The following CSMD3 variants were observed in gnomAD, a reference collection of about 807,000 sequenced individuals.
The protein encoded by CSMD3 is CUB and Sushi multiple domains 3, also known as CUB and sushi domain-containing protein 3.
In CSMD3, 177 loss-of-function variants were observed where a neutral mutation model predicts 435.2. The observed-to-expected ratio is 0.41, with a 90% CI of 0.36 to 0.46. The LOEUF is 0.46. Among genes scored for constraint, CSMD3 ranks in the 20% least tolerant of loss-of-function variants. The probability of loss-of-function intolerance (pLI) is 0.34; values close to 1 mark genes in which losing one functional copy is unlikely to be tolerated. For missense variants in CSMD3, 4,265 were observed against 4,504.6 expected (o/e 0.95, Z 1.52); for synonymous variants, 1,656 against 1,520.5 (o/e 1.09, Z -2.07).
At chr8:112,267,885 C>G (rs1817100507) in intron 59 of CSMD3, among the ~76,000 whole-genome samples, 1 of 151,888 alleles carries the variant, frequency 6.6e-6, no homozygotes, top group Non-Finnish European at 1.5e-5. Flanking sequence ...TAAACAGCAC[C>G]TGCTCTGCAA....
chr8:112,308,787 A>G (rs551663860), intron 50 of CSMD3, among the ~76,000 whole-genome samples: 1 of 152,194 alleles, frequency 6.6e-6, no homozygotes, highest in Non-Finnish European at 1.5e-5. Context: ...TTCTATGTTT[A>G]TCCTCATGTT....
intron 27 of CSMD3, among the ~76,000 whole-genome samples, chr8:112,546,872 C>T (rs946475630): frequency 2.6e-5 from 4 of 152,198 alleles, no homozygotes; most frequent in East Asian, 1.9e-4. Flanking sequence ...ATGAGGCTGC[C>T]GACAGTGGCT....
At chr8:112,710,395 C>T (rs912314029) in intron 13 of CSMD3, among the ~76,000 whole-genome samples, 4 of 152,192 alleles carry the variant, frequency 2.6e-5, no homozygotes, top group Non-Finnish European at 5.9e-5. Flanking sequence ...CTAAGATGCA[C>T]ATCTTGTTCT....
rs2094604060 is a variant in CSMD3, at chr8:113,420,434, TACAA to T, written c.178+16239_178+16242del. On this transcript the variant is annotated intron_variant, in intron 1 of 70. Coordinates refer to ENST00000297405, the MANE Select transcript of CSMD3 (RefSeq NM_198123.2). Reference sequence around the variant, plus strand: ...TACGATAGTAAGACAGATAAAAAAATACAAACACAGTGGAATGCCCCTCCTTAAA... The same window carrying T: ...TACGATAGTAAGACAGATAAAAAAATACACAGTGGAATGCCCCTCCTTAAA... Among the ~76,000 whole-genome samples the T allele has an allele frequency of 1.2e-4, 18 of 151,802 alleles. No individual in the cohort carries two copies. The South Asian group carries it at 3.7e-3, about 32-fold the overall frequency.
chr8:113,424,201 A>C (rs931306435), intron 1 of CSMD3, among the ~76,000 whole-genome samples: 1 of 151,680 alleles, frequency 6.6e-6, no homozygotes, highest in Non-Finnish European at 1.5e-5. Flanking sequence ...ATATTTGATG[A>C]CTTTCCAAAC....
Position 112,472,765 on chromosome 8 carries a change from A to C in CSMD3, c.5279-58T>G. 3 of 881,634 alleles carry C rather than the reference A, an allele frequency of 3.4e-6. No homozygotes were observed. In the East Asian group the frequency reaches 7.3e-5, roughly 21 times the overall value. 54.6% of individuals were successfully genotyped at this position (881,634 alleles called of 1,614,324 possible). ...AAAAAAGTTTTAAAAAATTCATACC[A>C]TGGTTATCTTCTTCATATAAAAAAT... On this transcript the variant is annotated intron_variant, in intron 31 of 70. Transcript: ENST00000297405.
intron 23 of CSMD3, among the ~76,000 whole-genome samples, chr8:112,581,603 A>G (rs1431626464): frequency 6.6e-6 from 1 of 152,102 alleles, no homozygotes; most frequent in Non-Finnish European, 1.5e-5. Flanking sequence ...GAAATTATAT[A>G]GTAAATTTGT....
At chr8:112,609,792 G>A (rs1328670284) in intron 22 of CSMD3, among the ~76,000 whole-genome samples, 1 of 151,936 alleles carries the variant, frequency 6.6e-6, no homozygotes, top group Admixed American at 6.6e-5. Flanking sequence ...GAAAGAAAAT[G>A]TAATATATAT....
Position 112,313,969 on chromosome 8 carries a change from C to T in CSMD3, c.7633G>A (p.Val2545Ile), listed in dbSNP as rs2130831205. 6.2e-7 allele frequency: 1 copy of T among 1,611,854 alleles called. No individual in the cohort carries two copies. The highest frequency in any genetic ancestry group is 8.5e-7 in the Non-Finnish European group (1 of 1,178,256). The change falls in exon 49 of 71, where the codon GTA (valine) becomes ATA (isoleucine). Residue 2545 changes from valine to isoleucine, a missense_variant. This residue lies in a region of CSMD3 where 3,255 missense variants were observed against 3,380.2 expected (regional missense o/e 0.96). Transcript: ENST00000297405. ...TGATCTGCTGACCACTGAAGAAATA[C>T]TTCATGACCATTGCTTGTTATATTA... ...AFNITSNGHEVFLQWSADHGN... is the reference protein window; with the variant it reads ...AFNITSNGHEIFLQWSADHGN...
intron 6 of CSMD3, 45 bp from the exon 7 acceptor site, chr8:112,976,193 T>C: frequency 6.3e-7 from 1 of 1,598,156 alleles, no homozygotes; most frequent in Admixed American, 1.7e-5. Context: ...TCTTTTTAAA[T>C]TTTGTTTATT....
At chr8:113,006,184 G>C (rs1321100423) in intron 6 of CSMD3, among the ~76,000 whole-genome samples, 1 of 151,962 alleles carries the variant, frequency 6.6e-6, no homozygotes, top group Non-Finnish European at 1.5e-5. Context: ...GATGACAGAG[G>C]CTATTTCAGT....
intron 7 of CSMD3, among the ~76,000 whole-genome samples, chr8:112,958,890 T>G (rs1434696985): frequency 2.0e-5 from 3 of 152,154 alleles, no homozygotes; most frequent in Admixed American, 2.0e-4. Context: ...CCTTTAATGT[T>G]AGGAAATCGA....
intron 3 of CSMD3, among the ~76,000 whole-genome samples, chr8:113,195,526 A>T (rs2092641401): frequency 6.6e-6 from 1 of 150,714 alleles, no homozygotes; most frequent in Non-Finnish European, 1.5e-5. Flanking sequence ...TAATATAAGT[A>T]TATCTCAAGT....
At chr8:112,878,661 C>G (rs1395090263) in intron 10 of CSMD3, among the ~76,000 whole-genome samples, 1 of 152,062 alleles carries the variant, frequency 6.6e-6, no homozygotes, top group Non-Finnish European at 1.5e-5. Context: ...GACTTGGAAC[C>G]AATCCAAATG....
intron 9 of CSMD3, among the ~76,000 whole-genome samples, chr8:112,938,111 A>G (rs2083341245): frequency 6.6e-6 from 1 of 152,146 alleles, no homozygotes; most frequent in Non-Finnish European, 1.5e-5. Context: ...GGCTGCTGGA[A>G]CTGCCTGTTG....
In CSMD3 at chr8:112,342,993, A is replaced by T. The variant is rs977410373; in HGVS notation, c.6443-1307T>A. On this transcript the variant is annotated intron_variant, in intron 41 of 70. Transcript: ENST00000297405. ...GTATTATATATATATATATTTATAT[A>T]TATATATTTATATATATATATATTT... Among the ~76,000 whole-genome samples, 20 of 26,160 alleles carry T rather than the reference A, an allele frequency of 7.6e-4. 1 individual carries two copies. Among genetic ancestry groups the T allele is most frequent in the Admixed American group, 3.1e-3 (5 of 1,608 alleles). The allele number at this position is 26,160 out of a possible 152,430, so 17.2% of individuals were successfully genotyped here.
intron 1 of CSMD3, among the ~76,000 whole-genome samples, chr8:113,422,876 G>GTAGATTA (rs2094615552): frequency 6.6e-6 from 1 of 152,010 alleles, no homozygotes. Flanking sequence ...ACTTTAAAGT[G>GTAGATTA]TAGATTATCC....
At chr8:112,664,372 A>G (rs538883684) in intron 17 of CSMD3, among the ~76,000 whole-genome samples, 2 of 152,304 alleles carry the variant, frequency 1.3e-5, no homozygotes, top group East Asian at 3.9e-4. Flanking sequence ...GGTTAATTTT[A>G]GTTCAACATT....
chr8:113,135,884 A>T (rs1288951304), intron 4 of CSMD3, among the ~76,000 whole-genome samples: 1 of 151,822 alleles, frequency 6.6e-6, no homozygotes, highest in African/African-American at 2.4e-5. Flanking sequence ...TCAAAATATT[A>T]AAAAATACGT....
Sources: gnomAD v4.1 joint callset for allele counts (sites outside exome capture counted in the v4.1 genomes callset) on GRCh38, gnomAD v4.1.1 for gene constraint, gnomAD v4.1.1 regional missense constraint, MANE v1.5 for transcripts, NCBI Gene and HGNC (gene_info 2026-07-23, HGNC 2026-07-21) for gene names.